Variants in CAPN2 observed in about 807,000 individuals in gnomAD.
CAPN2 encodes calpain-2 catalytic subunit.
Under a neutral mutation model 102.3 loss-of-function variants are expected in CAPN2, and 92 were observed. The observed-to-expected ratio is 0.90, with a 90% confidence interval of 0.76 to 1.07. The LOEUF (loss-of-function observed/expected upper bound fraction) is 1.07, where lower values mean the gene tolerates loss of function less well. CAPN2 is among the 50% of genes least tolerant of loss of function. CAPN2 has a pLI of 0.00. For synonymous variants in CAPN2, 340 were observed against 355.4 expected (o/e 0.96, Z 0.49); for missense variants, 800 against 909.4 (o/e 0.88, Z 1.55).
intron 1 of CAPN2, among the ~76,000 whole-genome samples, chr1:223,704,039 C>T (rs529216068): frequency 2.0e-5 from 3 of 151,702 alleles, no homozygotes; most frequent in East Asian, 3.9e-4. Context: ...ACCTGTAATC[C>T]GAGCACTTTG....
intron 2 of CAPN2, among the ~76,000 whole-genome samples, chr1:223,742,668 T>TAAC (rs1320854272): frequency 6.7e-6 from 1 of 149,764 alleles, no homozygotes; most frequent in Non-Finnish European, 1.5e-5. Context: ...TACAGGTGTC[T>TAAC]ACCACCACAC....
chr1:223,761,952 G>T (rs1661196764), intron 13 of CAPN2, among the ~76,000 whole-genome samples: 1 of 152,070 alleles, frequency 6.6e-6, no homozygotes, highest in Non-Finnish European at 1.5e-5. Context: ...TGAGAAATTA[G>T]AATATTACTC....
upstream of CAPN2, among the ~76,000 whole-genome samples, chr1:223,710,569 A>G (rs1659706037): frequency 1.3e-5 from 2 of 152,124 alleles, no homozygotes; most frequent in Non-Finnish European, 2.9e-5. Flanking sequence ...GACATGCTTC[A>G]TTATACCTCT....
Position 223,755,781 on chromosome 1 carries a change from T to G in CAPN2, c.1305+132T>G. On this transcript the variant is annotated intron_variant, in intron 10 of 20. Transcript: ENST00000295006. The surrounding 1 kb of genome is among the most constrained non-coding windows in gnomAD (Gnocchi z 4.1). Reference sequence around the variant, plus strand: ...GAGCTTGGCCAAGGAAAAACAAAACTACCAGCCTGGCCAGGCTCAGGAGTA... The same window carrying G: ...GAGCTTGGCCAAGGAAAAACAAAACGACCAGCCTGGCCAGGCTCAGGAGTA... The G allele has an allele frequency of 6.8e-6, 6 of 884,322 alleles. No individual in the cohort carries two copies. Among genetic ancestry groups the G allele is most frequent in the Non-Finnish European group, 8.3e-6 (5 of 603,058 alleles). The allele number at this position is 884,322 out of a possible 1,614,324, so 54.8% of individuals were successfully genotyped here. A position where few individuals can be genotyped will look rare whatever the true frequency, so the allele number is the denominator to read the frequency against.
In CAPN2 at chr1:223,726,068, T is replaced by C. The variant is rs1558062573; in HGVS notation, c.307+8237T>C. ...ATTCTTGTTGGGCCCATTCTCAGGATGATGTTTCTCCTGTATTTTGCTACC... is the reference window on the plus strand; with the variant it reads ...ATTCTTGTTGGGCCCATTCTCAGGACGATGTTTCTCCTGTATTTTGCTACC... On this transcript the variant is annotated intron_variant, in intron 2 of 20. Transcript: ENST00000295006. The surrounding 1 kb of genome is among the most constrained non-coding windows in gnomAD (Gnocchi z 4.4). Among the ~76,000 whole-genome samples, 1 of 148,156 alleles carries C rather than the reference T, an allele frequency of 6.7e-6. No individual in the cohort carries two copies. Among genetic ancestry groups the C allele is most frequent in the Non-Finnish European group, 1.5e-5 (1 of 67,366 alleles).
chr1:223,749,002 G>A (rs965272382), intron 5 of CAPN2, 37 bp from the exon 6 acceptor site: 7 of 1,576,770 alleles, frequency 4.4e-6, no homozygotes, highest in Non-Finnish European at 6.1e-6. Context: ...GGAAGGGAGA[G>A]CGGGTGCGGC....
intron 14 of CAPN2, among the ~76,000 whole-genome samples, chr1:223,763,836 A>G (rs1005582218): frequency 2.0e-5 from 3 of 152,152 alleles, no homozygotes; most frequent in Admixed American, 2.0e-4. Flanking sequence ...GCACTTTGGG[A>G]GGCTGAGGCT....
intron 1 of CAPN2, among the ~76,000 whole-genome samples, chr1:223,714,063 C>T (rs73121383): frequency 0.035 from 5,354 of 152,244 alleles, 314 homozygotes; most frequent in African/African-American, 0.12. Flanking sequence ...GTGTGGCTCA[C>T]TCTCATTCTT....
intron 2 of CAPN2, among the ~76,000 whole-genome samples, chr1:223,730,572 A>G (rs1158881614): frequency 1.3e-5 from 2 of 152,188 alleles, no homozygotes; most frequent in Non-Finnish European, 2.9e-5. Context: ...GCTATCTGTC[A>G]TGTGATGCTC....
chr1:223,738,749 A>G (rs1457942571), intron 2 of CAPN2, among the ~76,000 whole-genome samples: 1 of 152,242 alleles, frequency 6.6e-6, no homozygotes, highest in African/African-American at 2.4e-5. Flanking sequence ...CCGAGGAGGA[A>G]GCGTGGCTGA....
Position 223,741,468 on chromosome 1 carries a change from A to ATTTT in CAPN2, c.308-2629_308-2628insTTTT, listed in dbSNP as rs10688686. Among the ~76,000 whole-genome samples the ATTTT allele has an allele frequency of 1.1e-3, 150 of 138,358 alleles. 1 individual carries two copies. The East Asian group carries it at 0.023, about 21-fold the overall frequency. 90.8% of individuals were successfully genotyped at this position (138,358 alleles called of 152,430 possible). On this transcript the variant is annotated intron_variant, in intron 2 of 20. Transcript: ENST00000295006. ...TATATATATATATATATATATATATATTTGAGAGGGAGTCTCATTCTTGTT... is the reference window on the plus strand; with the variant it reads ...TATATATATATATATATATATATATATTTTTTTGAGAGGGAGTCTCATTCTTGTT...
intron 15 of CAPN2, among the ~76,000 whole-genome samples, chr1:223,765,178 A>G (rs1392446346): frequency 2.0e-5 from 3 of 152,234 alleles, no homozygotes; most frequent in African/African-American, 7.2e-5. Context: ...CATGGACTTC[A>G]AGGGACATCA....
At chr1:223,717,856 T>TG (rs1377287470) in intron 2 of CAPN2, 25 bp downstream of exon 2, 3 of 1,573,132 alleles carry the variant, frequency 1.9e-6, no homozygotes, top group Non-Finnish European at 2.6e-6. Flanking sequence ...CAGAGCAAGC[T>TG]GGGGGATCTT....
rs200352386 is a variant in CAPN2, at chr1:223,764,111, C to T, written c.1633-39C>T. On this transcript the variant is annotated intron_variant, in intron 14 of 20. Coordinates refer to ENST00000295006, the MANE Select transcript of CAPN2 (RefSeq NM_001748.5). ...CTGCCCTGTGCTCATCCAGCTCCCA[C>T]GGGGGGCCAATAACTATGCTCTGGT... 421 of 1,568,560 alleles carry T rather than the reference C, an allele frequency of 2.7e-4. 6 individuals are homozygous for T. The South Asian group carries it at 4.2e-3, about 16-fold the overall frequency.
chr1:223,731,305 G>A lies in CAPN2; in HGVS notation c.308-12795G>A, dbSNP rs776065826. Among the ~76,000 whole-genome samples, 8 of 152,108 alleles carry A rather than the reference G, an allele frequency of 5.3e-5. No individual in the cohort carries two copies. The South Asian group carries it at 8.3e-4, about 16-fold the overall frequency. ...CCAGTTCAGATTCCTAAGCTGGCCC[G>A]GACATCCAACCCAATCCGCCTAGCC... On this transcript the variant is annotated intron_variant, in intron 2 of 20. Coordinates refer to ENST00000295006, the MANE Select transcript of CAPN2 (RefSeq NM_001748.5). This position sits in a 1 kb window ranked among gnomAD's most constrained non-coding sequence, Gnocchi z 4.2.
chr1:223,762,263 CAA>C lies in CAPN2; in HGVS notation c.1632+16_1632+17del. The C allele has an allele frequency of 6.2e-7, 1 of 1,605,240 alleles. No individual in the cohort carries two copies. The highest frequency in any genetic ancestry group is 8.5e-7 in the Non-Finnish European group (1 of 1,171,964). ...AGTTGGCAGGAGAGGTAAATGTTCC[CAA>C]AAACGATGTTATGCACTCTGGTTGA... On this transcript the variant is annotated intron_variant, in intron 14 of 20. Transcript: ENST00000295006.
Position 223,725,575 on chromosome 1 carries a change from A to G in CAPN2, c.307+7744A>G, listed in dbSNP as rs1195009893. Among the ~76,000 whole-genome samples, 1 of 152,196 alleles carries G rather than the reference A, an allele frequency of 6.6e-6. No homozygotes were observed. Among genetic ancestry groups the G allele is most frequent in the Non-Finnish European group, 1.5e-5 (1 of 68,034 alleles). ...GGTCGCGTCGCTGAGGTGGAGACAC[A>G]TTGTGGCACATCTTGAATACCCGAC... On this transcript the variant is annotated intron_variant, in intron 2 of 20. Coordinates refer to ENST00000295006, the MANE Select transcript of CAPN2 (RefSeq NM_001748.5). The surrounding 1 kb of genome is among the most constrained non-coding windows in gnomAD (Gnocchi z 4.1).
intron 18 of CAPN2, 55 bp from the exon 19 acceptor site, chr1:223,771,754 C>G (rs940801171): frequency 3.7e-5 from 41 of 1,117,262 alleles, no homozygotes; most frequent in Non-Finnish European, 5.1e-5. Context: ...GTGAGCGCAG[C>G]TAAATGGAAC....
chr1:223,738,070 AT>A (rs1324968092), intron 2 of CAPN2, among the ~76,000 whole-genome samples: 2 of 152,052 alleles, frequency 1.3e-5, no homozygotes, highest in African/African-American at 4.8e-5. Context: ...CTTCTCTTAG[AT>A]TTTTTTCTAG....
Sources: gnomAD v4.1 joint callset for allele counts (sites outside exome capture counted in the v4.1 genomes callset) on GRCh38, gnomAD v4.1.1 for gene constraint, Gnocchi (gnomAD v3.1) non-coding constraint, MANE v1.5 for transcripts, NCBI Gene and HGNC (gene_info 2026-07-23, HGNC 2026-07-21) for gene names.